The following PDE8B variants were observed in gnomAD, a reference collection of about 807,000 sequenced individuals.
The protein encoded by PDE8B is high affinity cAMP-specific and IBMX-insensitive 3',5'-cyclic phosphodiesterase 8B.
PDE8B carries 26 observed loss-of-function variants against 101.3 expected under a neutral mutation model. The ratio of observed to expected loss-of-function variants is 0.26; its 90% CI spans 0.19 to 0.36. The LOEUF (loss-of-function observed/expected upper bound fraction) is 0.36. Ranked by LOEUF, PDE8B falls within the 10% of genes least tolerant of loss-of-function variation. The pLI, the probability that PDE8B is intolerant of heterozygous loss-of-function variation, is 1.00. For synonymous variants in PDE8B, 424 were observed against 429.3 expected (o/e 0.99, Z 0.15); for missense variants, 810 against 1,163.1 (o/e 0.70, Z 4.42).
chr5:77,212,272 C>G (rs1468349102), intron 1 of PDE8B, among the ~76,000 whole-genome samples: 1 of 152,062 alleles, frequency 6.6e-6, no homozygotes. Context: ...CAGCCTTTAC[C>G]TGGTCAATAG....
At chr5:77,272,302 C>T (rs1287830867) in intron 1 of PDE8B, among the ~76,000 whole-genome samples, 1 of 152,154 alleles carries the variant, frequency 6.6e-6, no homozygotes, top group African/African-American at 2.4e-5. Flanking sequence ...TATCATTGTA[C>T]TTTGCAGAGA....
chr5:77,211,266 T>C lies in PDE8B; in HGVS notation c.339+2T>C. ...CAGACCTGCTACACCAGCGTGAAGG[T>C]AAATGCCCCGCGCTGGCACACGCCG... is the stretch of plus-strand genomic sequence containing the variant. On this transcript the variant is annotated splice_donor_variant, in intron 1 of 21. Coordinates refer to ENST00000264917, the MANE Select transcript of PDE8B (RefSeq NM_003719.5). LOFTEE classifies it high-confidence loss of function. The surrounding 1 kb of genome is among the most constrained non-coding windows in gnomAD (Gnocchi z 4.1). 1.3e-6 allele frequency: 2 copies of C among 1,560,926 alleles called. No individual in the cohort carries two copies. The highest frequency in any genetic ancestry group is 1.4e-5 in the African/African-American group (1 of 73,256).
At chr5:77,125,832 G>C in the PDE8B span, among the ~76,000 whole-genome samples, 2 of 152,170 alleles carry the variant, frequency 1.3e-5, no homozygotes, top group Admixed American at 1.3e-4. Context: ...ATTGTTTAAT[G>C]AGAACAGAGT....
At chr5:77,404,405 G>A (rs996906477) in intron 11 of PDE8B, among the ~76,000 whole-genome samples, 7 of 152,170 alleles carry the variant, frequency 4.6e-5, no homozygotes, top group Admixed American at 3.3e-4. Context: ...TGGGATTACA[G>A]GTGTGAGGCC....
At chr5:77,264,480 C>T (rs2149724149) in intron 1 of PDE8B, among the ~76,000 whole-genome samples, 1 of 152,200 alleles carries the variant, frequency 6.6e-6, no homozygotes, top group East Asian at 1.9e-4. Flanking sequence ...TGAAAGTGAG[C>T]CCTTATTAAT....
rs1227830081 is a variant in PDE8B, at chr5:77,427,560, A to T, written c.*1006A>T. The T allele has an allele frequency of 6.6e-6, 1 of 152,218 alleles. No individual in the cohort carries two copies. Among genetic ancestry groups the T allele is most frequent in the African/African-American group, 2.4e-5 (1 of 41,458 alleles). 9.4% of individuals were successfully genotyped at this position (152,218 alleles called of 1,614,324 possible). On this transcript the variant is annotated 3_prime_UTR_variant, in exon 22 of 22. Transcript: ENST00000264917. ...TTTCAAGGTTCAGATATTTTTAACC[A>T]GTCTATATTTGAAATCATGCCATTA...
chr5:77,205,758 A>G (rs1047957656), upstream of PDE8B, among the ~76,000 whole-genome samples: 2 of 152,192 alleles, frequency 1.3e-5, no homozygotes, highest in Non-Finnish European at 2.9e-5. Context: ...ACCTCAAGAT[A>G]TGTTCATACA....
At chr5:77,406,960 C>T (rs1431952942) in intron 12 of PDE8B, among the ~76,000 whole-genome samples, 1 of 152,176 alleles carries the variant, frequency 6.6e-6, no homozygotes, top group Non-Finnish European at 1.5e-5. Context: ...TGAACTGCCT[C>T]CCCTCTCAAG....
At chr5:77,424,737 T>TC (rs1487365605) in intron 20 of PDE8B, among the ~76,000 whole-genome samples, 1 of 152,210 alleles carries the variant, frequency 6.6e-6, no homozygotes, top group African/African-American at 2.4e-5. Context: ...GACATGTACT[T>TC]CGAAGGTCAA....
the PDE8B span, among the ~76,000 whole-genome samples, chr5:77,179,733 T>C: frequency 1.3e-5 from 2 of 152,162 alleles, no homozygotes; most frequent in African/African-American, 4.8e-5. Context: ...CAGCCCCTAA[T>C]AGATTTTTCT....
At chr5:77,354,601 A>G (rs1227105340) in intron 10 of PDE8B, among the ~76,000 whole-genome samples, 7 of 152,218 alleles carry the variant, frequency 4.6e-5, no homozygotes. Flanking sequence ...CAAACTTCTG[A>G]ACACAAGCAG....
At chr5:77,155,207 T>C in the PDE8B span, among the ~76,000 whole-genome samples, 20 of 152,144 alleles carry the variant, frequency 1.3e-4, 1 homozygote, top group East Asian at 3.5e-3. Flanking sequence ...TGAGTATGTG[T>C]GGAGAGAGAG....
In PDE8B at chr5:77,312,059, C is replaced by T. The variant is rs201597379; in HGVS notation, c.399+6C>T. The T allele has an allele frequency of 1.6e-5, 25 of 1,602,174 alleles. 1 individual carries two copies. The African/African-American group carries it at 2.1e-4, about 14-fold the overall frequency. Reference sequence around the variant, plus strand: ...TGACGCAGGACCCTATTCAGGTACGCCTCCTTTACTCAGCCCTGTGACTCA... The same window carrying T: ...TGACGCAGGACCCTATTCAGGTACGTCTCCTTTACTCAGCCCTGTGACTCA... On this transcript the variant is annotated splice_donor_region_variant and intron_variant, in intron 2 of 21. Coordinates refer to ENST00000264917, the MANE Select transcript of PDE8B (RefSeq NM_003719.5).
At chr5:77,244,268 C>G (rs151297408) in intron 1 of PDE8B, among the ~76,000 whole-genome samples, 1 of 152,166 alleles carries the variant, frequency 6.6e-6, no homozygotes, top group Non-Finnish European at 1.5e-5. Flanking sequence ...GCTGTAGGCT[C>G]AGCTCTAGAG....
chr5:77,179,853 G>T, the PDE8B span, among the ~76,000 whole-genome samples: 6 of 152,090 alleles, frequency 3.9e-5, no homozygotes, highest in African/African-American at 1.4e-4. Flanking sequence ...GAGCCACCGC[G>T]CCCAGGAGAT....
chr5:77,397,414 A>G (rs114863175), intron 10 of PDE8B, among the ~76,000 whole-genome samples: 1 of 152,266 alleles, frequency 6.6e-6, no homozygotes, highest in African/African-American at 2.4e-5. Context: ...TACTAAATAT[A>G]TATAGACATA....
intron 1 of PDE8B, among the ~76,000 whole-genome samples, chr5:77,250,113 G>T (rs1420027715): frequency 6.6e-6 from 1 of 152,182 alleles, no homozygotes; most frequent in Non-Finnish European, 1.5e-5. Flanking sequence ...ACTGGGAGAG[G>T]AATAAGAAAT....
At chr5:77,362,725 A>G (rs1464909622) in intron 10 of PDE8B, among the ~76,000 whole-genome samples, 1 of 152,120 alleles carries the variant, frequency 6.6e-6, no homozygotes, top group Non-Finnish European at 1.5e-5. Flanking sequence ...AAGTCACACT[A>G]GGCTGTTTGT....
intron 1 of PDE8B, among the ~76,000 whole-genome samples, chr5:77,220,775 A>G (rs561591978): frequency 1.3e-5 from 2 of 152,320 alleles, no homozygotes; most frequent in Admixed American, 6.5e-5. Context: ...AGGCTGATGA[A>G]GCAGATGAGG....
Sources: allele counts gnomAD v4.1 joint callset (sites outside exome capture counted in the v4.1 genomes callset), GRCh38; gene constraint gnomAD v4.1.1; non-coding constraint Gnocchi (gnomAD v3.1); transcripts MANE v1.5; gene names NCBI Gene and HGNC (gene_info 2026-07-23, HGNC 2026-07-21).